Variants in LTAP1 observed in about 807,000 individuals in gnomAD.
LTAP1 encodes the protein HCV NS5A-transactivated protein 4.
chr1:154,207,148 T>C, the LTAP1 span: 135 of 273,670 alleles, frequency 4.9e-4, no homozygotes, highest in African/African-American at 2.7e-3. Flanking sequence ...GAACTATGGC[T>C]GAAACCAAGT....
the LTAP1 span, chr1:154,220,003 A>G: frequency 7.5e-7 from 1 of 1,329,100 alleles, no homozygotes; most frequent in Non-Finnish European, 1.0e-6. Flanking sequence ...TTTTTAAAAA[A>G]GCATGCCTTC....
At chr1:154,214,448 G>A in the LTAP1 span, 1 of 1,572,810 alleles carries the variant, frequency 6.4e-7, no homozygotes, top group Non-Finnish European at 8.8e-7. Context: ...CCAAGAGCTT[G>A]CCACATACTT....
the LTAP1 span, among the ~76,000 whole-genome samples, chr1:154,211,373 T>C: frequency 2.3e-5 from 3 of 129,372 alleles, no homozygotes; most frequent in Non-Finnish European, 4.8e-5. Flanking sequence ...AGTCTTGCTC[T>C]GTCACCAGGC....
the LTAP1 span, among the ~76,000 whole-genome samples, chr1:154,215,858 G>C: frequency 4.2e-5 from 6 of 143,488 alleles, no homozygotes; most frequent in East Asian, 8.1e-4. Flanking sequence ...TTTTTTTTGA[G>C]ACGGAGTCTC....
the LTAP1 span, among the ~76,000 whole-genome samples, chr1:154,210,408 C>T: frequency 2.8e-4 from 43 of 152,064 alleles, no homozygotes; most frequent in Non-Finnish European, 2.9e-4. Flanking sequence ...AGAGACATAC[C>T]CCTTAAGCTC....
the LTAP1 span, among the ~76,000 whole-genome samples, chr1:154,215,447 T>C: frequency 6.6e-6 from 1 of 151,274 alleles, no homozygotes. Context: ...GGTCCTGTAG[T>C]CCCAGCTACT....
At chr1:154,219,993 T>TC in the LTAP1 span, 1 of 1,449,794 alleles carries the variant, frequency 6.9e-7, no homozygotes, top group African/African-American at 1.4e-5. Context: ...TTTTGTTTTT[T>TC]TTTTAAAAAA....
At chr1:154,214,013 C>T in the LTAP1 span, 2 of 1,461,282 alleles carry the variant, frequency 1.4e-6, no homozygotes, top group African/African-American at 1.4e-5. Context: ...CGTGGTGGCT[C>T]ATGCCTGTAA....
the LTAP1 span, chr1:154,220,382 G>C: frequency 6.2e-7 from 1 of 1,614,218 alleles, no homozygotes; most frequent in South Asian, 1.1e-5. Flanking sequence ...ATTCACCCCG[G>C]AGAGCCAGTT....
At chr1:154,220,152 G>A in the LTAP1 span, 7 of 761,570 alleles carry the variant, frequency 9.2e-6, no homozygotes, top group South Asian at 5.1e-5. Flanking sequence ...TTAAAGGGAG[G>A]GTTCTAGACT....
chr1:154,217,144 TC>T, the LTAP1 span, among the ~76,000 whole-genome samples: 1 of 151,702 alleles, frequency 6.6e-6, no homozygotes, highest in Middle Eastern at 3.2e-3. Flanking sequence ...AGTCGGGGTT[TC>T]ACCGTGTTGG....
At chr1:154,213,932 G>A in the LTAP1 span, 19 of 1,612,880 alleles carry the variant, frequency 1.2e-5, no homozygotes, top group East Asian at 4.0e-4. Flanking sequence ...ATCCTATACA[G>A]ATAGTTGTAG....
chr1:154,214,107 G>A, the LTAP1 span, among the ~76,000 whole-genome samples: 1 of 151,872 alleles, frequency 6.6e-6, no homozygotes, highest in East Asian at 1.9e-4. Flanking sequence ...GAGAAACCCC[G>A]TCTCTAGTAA....
the LTAP1 span, among the ~76,000 whole-genome samples, chr1:154,210,851 C>T: frequency 3.9e-5 from 6 of 151,970 alleles, no homozygotes; most frequent in African/African-American, 1.5e-4. Context: ...AAATACGAGA[C>T]TATGTTTAGT....
At chr1:154,207,674 T>G in the LTAP1 span, 1 of 1,558,816 alleles carries the variant, frequency 6.4e-7, no homozygotes, top group South Asian at 1.2e-5. Context: ...GGGAGGTCAT[T>G]GACAGAATGA....
the LTAP1 span, among the ~76,000 whole-genome samples, chr1:154,217,040 G>C: frequency 6.6e-6 from 1 of 150,728 alleles, no homozygotes; most frequent in African/African-American, 2.4e-5. Context: ...ACCTCCGCCG[G>C]GGCTCAAGTG....
At chr1:154,216,692 T>C in the LTAP1 span, among the ~76,000 whole-genome samples, 4 of 151,756 alleles carry the variant, frequency 2.6e-5, no homozygotes, top group African/African-American at 9.7e-5. Context: ...TTTTTTGTAT[T>C]TTTCGTAGAG....
the LTAP1 span, chr1:154,212,399 A>G: frequency 6.2e-7 from 1 of 1,613,972 alleles, no homozygotes; most frequent in Admixed American, 1.7e-5. Context: ...AGAAAGGAAG[A>G]GTGAGGATCT....
the LTAP1 span, chr1:154,207,431 C>T: frequency 6.2e-6 from 10 of 1,611,858 alleles, no homozygotes; most frequent in South Asian, 2.2e-5. Context: ...GCTTAATCTA[C>T]GGCAAGAGTC....
Sources: allele counts gnomAD v4.1 joint callset (sites outside exome capture counted in the v4.1 genomes callset), GRCh38; gene constraint gnomAD v4.1.1; transcripts MANE v1.5; gene names NCBI Gene and HGNC (gene_info 2026-07-23, HGNC 2026-07-21).